The following DLGAP2 variants were observed in gnomAD, a reference collection of about 807,000 sequenced individuals.
The protein encoded by DLGAP2 is DLG associated protein 2.
In DLGAP2, 26 loss-of-function variants were observed where a neutral mutation model predicts 100.3. The observed-to-expected ratio is 0.26, with a 90% CI of 0.19 to 0.36. The LOEUF is 0.36. DLGAP2 is among the 10% of genes least tolerant of loss of function. The pLI, the probability that DLGAP2 is intolerant of heterozygous loss-of-function variation, is 1.00. For missense variants in DLGAP2, 1,858 were observed against 1,453.2 expected (o/e 1.28, Z -4.53); for synonymous variants, 886 against 630.1 (o/e 1.41, Z -6.08).
At chr8:887,395 A>G (rs1226567042) in intron 1 of DLGAP2, among the ~76,000 whole-genome samples, 3 of 152,158 alleles carry the variant, frequency 2.0e-5, no homozygotes, top group Non-Finnish European at 4.4e-5. Context: ...ATTGTTATGT[A>G]TGAATTTGAT....
chr8:1,465,222 C>A (rs571811009), intron 3 of DLGAP2, among the ~76,000 whole-genome samples: 1 of 152,230 alleles, frequency 6.6e-6, no homozygotes, highest in Non-Finnish European at 1.5e-5. Context: ...CTCCTGCAAG[C>A]CCCCCACACG....
chr8:1,194,315 C>T (rs535835566), intron 2 of DLGAP2, among the ~76,000 whole-genome samples: 6 of 152,084 alleles, frequency 3.9e-5, no homozygotes, highest in Non-Finnish European at 8.8e-5. Flanking sequence ...GGCAGTGCCG[C>T]GTCCCGGCTG....
At chr8:1,244,360 T>C (rs750300220) in intron 2 of DLGAP2, among the ~76,000 whole-genome samples, 1 of 152,206 alleles carries the variant, frequency 6.6e-6, no homozygotes, top group Non-Finnish European at 1.5e-5. Flanking sequence ...GCTGAGCACA[T>C]GTGTTAAACG....
At chr8:1,565,407 C>A (rs1802356883) in intron 5 of DLGAP2, 1 of 359,700 alleles carries the variant, frequency 2.8e-6, no homozygotes, top group Non-Finnish European at 4.9e-6. Flanking sequence ...TTTGTCCCAG[C>A]TGCTGAGATT....
chr8:1,595,082 C>T (rs1796409152), intron 6 of DLGAP2, among the ~76,000 whole-genome samples: 1 of 151,890 alleles, frequency 6.6e-6, no homozygotes, highest in Non-Finnish European at 1.5e-5. Flanking sequence ...TGCTCTGTCA[C>T]CCAGGCTGGA....
chr8:885,573 G>T (rs1035389918), intron 1 of DLGAP2, among the ~76,000 whole-genome samples: 5 of 152,192 alleles, frequency 3.3e-5, no homozygotes, highest in Non-Finnish European at 5.9e-5. Context: ...TGCAAACAGA[G>T]ATAACTTGAC....
intron 1 of DLGAP2, among the ~76,000 whole-genome samples, chr8:895,565 G>T (rs764560667): frequency 2.6e-5 from 4 of 152,220 alleles, no homozygotes; most frequent in Non-Finnish European, 5.9e-5. Context: ...GAGCCACATT[G>T]CATGGGGCCT....
intron 2 of DLGAP2, among the ~76,000 whole-genome samples, chr8:914,756 G>A (rs1233846992): frequency 6.6e-6 from 1 of 152,238 alleles, no homozygotes; most frequent in African/African-American, 2.4e-5. Flanking sequence ...GCTCAAGGCT[G>A]CATGTTCTGT....
intron 6 of DLGAP2, among the ~76,000 whole-genome samples, chr8:1,601,668 C>G (rs1406419899): frequency 1.3e-5 from 2 of 152,134 alleles, no homozygotes; most frequent in Non-Finnish European, 2.9e-5. Context: ...AATGGAGCCT[C>G]TCCGCCTCGG....
intron 3 of DLGAP2, among the ~76,000 whole-genome samples, chr8:1,477,928 C>A (rs906391645): frequency 6.6e-6 from 1 of 152,112 alleles, no homozygotes; most frequent in Non-Finnish European, 1.5e-5. Flanking sequence ...ACCTGTCAGT[C>A]TGGTGGAAAA....
intron 3 of DLGAP2, among the ~76,000 whole-genome samples, chr8:1,392,828 G>A (rs1054321275): frequency 1.3e-5 from 2 of 150,890 alleles, no homozygotes; most frequent in Non-Finnish European, 3.0e-5. Context: ...ATTGGACTTT[G>A]GCAAAGTGAA....
chr8:1,441,310 C>A (rs1056130045), intron 3 of DLGAP2, among the ~76,000 whole-genome samples: 2 of 152,114 alleles, frequency 1.3e-5, no homozygotes, highest in Non-Finnish European at 2.9e-5. Flanking sequence ...TATGTCTGTG[C>A]TTCTTAAATA....
chr8:1,502,831 C>T (rs1038488096), intron 4 of DLGAP2, among the ~76,000 whole-genome samples: 2 of 152,172 alleles, frequency 1.3e-5, no homozygotes, highest in Non-Finnish European at 2.9e-5. Flanking sequence ...TCCAGTTCTT[C>T]TCCATAGCAG....
intron 2 of DLGAP2, among the ~76,000 whole-genome samples, chr8:1,139,151 G>T (rs1218341048): frequency 1.3e-5 from 2 of 152,240 alleles, no homozygotes; most frequent in Non-Finnish European, 2.9e-5. Flanking sequence ...TGGCTGGGGG[G>T]ATGTGGGCAT....
At chr8:824,883 C>T (rs1216422130) in intron 1 of DLGAP2, among the ~76,000 whole-genome samples, 1 of 152,190 alleles carries the variant, frequency 6.6e-6, no homozygotes, top group Non-Finnish European at 1.5e-5. Flanking sequence ...CCCGCATTGT[C>T]CCCTGGCATC....
intron 6 of DLGAP2, among the ~76,000 whole-genome samples, chr8:1,579,606 A>G (rs1803143913): frequency 6.6e-6 from 1 of 152,178 alleles, no homozygotes; most frequent in African/African-American, 2.4e-5. Flanking sequence ...AAAAAAATGA[A>G]TGACGCAGTG....
intron 13 of DLGAP2, among the ~76,000 whole-genome samples, chr8:1,695,371 C>A (rs973104750): frequency 7.0e-6 from 1 of 143,852 alleles, no homozygotes; most frequent in African/African-American, 2.8e-5. Flanking sequence ...CCATGCCCGG[C>A]CCTACAGAAA....
At chr8:1,294,017 G>A (rs1489948054) in intron 3 of DLGAP2, among the ~76,000 whole-genome samples, 1 of 152,170 alleles carries the variant, frequency 6.6e-6, no homozygotes. Flanking sequence ...ACACGTGAAG[G>A]TGGCTCGCTG....
chr8:1,422,050 C>T (rs1042266093), intron 3 of DLGAP2, among the ~76,000 whole-genome samples: 1 of 151,948 alleles, frequency 6.6e-6, no homozygotes, highest in South Asian at 2.1e-4. Context: ...GAGCATCTAA[C>T]ACACGCTAGG....
Sources: gnomAD v4.1 joint callset for allele counts (sites outside exome capture counted in the v4.1 genomes callset) on GRCh38, gnomAD v4.1.1 for gene constraint, MANE v1.5 for transcripts, NCBI Gene and HGNC (gene_info 2026-07-23, HGNC 2026-07-21) for gene names.